Variants in ATE1 observed in about 807,000 individuals in gnomAD.
ATE1 encodes arginyltransferase 1.
Under a neutral mutation model 70.5 loss-of-function variants are expected in ATE1, and 36 were observed. The ratio of observed to expected loss-of-function variants is 0.51; its 90% CI spans 0.39 to 0.67. The LOEUF (loss-of-function observed/expected upper bound fraction) is 0.67. Ranked by LOEUF, ATE1 falls within the 30% of genes least tolerant of loss-of-function variation. ATE1 has a pLI of 0.00. For synonymous variants in ATE1, 232 were observed against 219.3 expected, an observed-to-expected ratio of 1.06 and a Z score of -0.51; for missense variants, 593 against 629.5, an observed-to-expected ratio of 0.94 and a Z score of 0.62.
chr10:121,878,976 A>G (rs1436370912), intron 7 of ATE1, among the ~76,000 whole-genome samples: 1 of 152,234 alleles, frequency 6.6e-6, no homozygotes, highest in Non-Finnish European at 1.5e-5. Flanking sequence ...ACCAACAAGA[A>G]GAGTCTCAGC....
rs80263250 is a variant in ATE1 at position 121,891,246 on chromosome 10, G to A, written c.942+8620C>T. Among the ~76,000 whole-genome samples, 1,049 of 152,136 alleles carry A rather than the reference G, an allele frequency of 6.9e-3. 23 individuals carry two copies. The highest frequency in any genetic ancestry group is 0.024 in the African/African-American group (992 of 41,472). ...GGGGCTCAGGGGATTGGGTTGATCG[G>A]GTATGCCATTTATATAGCCCTCGAA... On this transcript the variant is annotated intron_variant, in intron 7 of 11. Transcript: ENST00000224652.
intron 11 of ATE1, among the ~76,000 whole-genome samples, chr10:121,772,725 T>C (rs373658436): frequency 3.3e-5 from 5 of 152,300 alleles, no homozygotes; most frequent in African/African-American, 1.2e-4. Flanking sequence ...CCAAACCAGA[T>C]AGTAAATCAT....
chr10:121,843,883 T>TA (rs780408564), intron 8 of ATE1, among the ~76,000 whole-genome samples: 56 of 152,316 alleles, frequency 3.7e-4, no homozygotes, highest in Admixed American at 6.5e-4. Context: ...AATGAGTTTT[T>TA]AGATAAAACA....
chr10:121,839,882 T>A (rs1281670574), intron 9 of ATE1, among the ~76,000 whole-genome samples: 1 of 152,068 alleles, frequency 6.6e-6, no homozygotes, highest in African/African-American at 2.4e-5. Context: ...TTATAATTCA[T>A]AAAAAAGCAC....
intron 8 of ATE1, among the ~76,000 whole-genome samples, chr10:121,867,915 C>T (rs1253200163): frequency 1.3e-5 from 2 of 152,136 alleles, no homozygotes; most frequent in African/African-American, 2.4e-5. Flanking sequence ...AGATTGTTTA[C>T]AATTTTTTAC....
intron 10 of ATE1, among the ~76,000 whole-genome samples, chr10:121,823,947 G>A (rs151215383): frequency 1.3e-5 from 2 of 152,184 alleles, no homozygotes; most frequent in East Asian, 1.9e-4. Flanking sequence ...TGTGAGTTAA[G>A]GCAAACTCTG....
intron 3 of ATE1, among the ~76,000 whole-genome samples, chr10:121,918,004 A>C (rs945190324): frequency 1.3e-5 from 2 of 152,178 alleles, no homozygotes; most frequent in Non-Finnish European, 2.9e-5. Flanking sequence ...CAAGGTAAAA[A>C]TAACCAGAAG....
chr10:121,794,270 C>G (rs1590319021), intron 10 of ATE1, among the ~76,000 whole-genome samples: 1 of 152,102 alleles, frequency 6.6e-6, no homozygotes, highest in East Asian at 1.9e-4. Context: ...GTAGAATTTT[C>G]TGGCTCATTT....
chr10:121,781,988 G>C (rs10886983), intron 11 of ATE1, among the ~76,000 whole-genome samples: 143,796 of 152,302 alleles, frequency 0.94, 68,117 homozygotes, highest in Non-Finnish European at 0.98. Flanking sequence ...AAAATAAACA[G>C]AACTTCACAT....
At chr10:121,790,656 T>C (rs1946395848) in intron 10 of ATE1, among the ~76,000 whole-genome samples, 2 of 152,338 alleles carry the variant, frequency 1.3e-5, no homozygotes, top group Non-Finnish European at 2.9e-5. Flanking sequence ...TTTCTTTTCA[T>C]GTATTAGAGC....
At chr10:121,745,873 A>C (rs186157248) in intron 11 of ATE1, among the ~76,000 whole-genome samples, 1 of 152,342 alleles carries the variant, frequency 6.6e-6, no homozygotes, top group East Asian at 1.9e-4. Context: ...GTAAAGAGTT[A>C]AGGTATATCC....
At chr10:121,885,894 T>C (rs1950380217) in intron 7 of ATE1, among the ~76,000 whole-genome samples, 1 of 152,118 alleles carries the variant, frequency 6.6e-6, no homozygotes, top group Admixed American at 6.5e-5. Context: ...AGGGAAAGAC[T>C]GTCTCTAAAT....
At chr10:121,786,343 A>G (rs1946211073) in intron 11 of ATE1, among the ~76,000 whole-genome samples, 1 of 151,186 alleles carries the variant, frequency 6.6e-6, no homozygotes, top group Non-Finnish European at 1.5e-5. Flanking sequence ...CAATTACAAA[A>G]TATTACAAAA....
intron 5 of ATE1, among the ~76,000 whole-genome samples, chr10:121,907,383 T>G (rs1465037454): frequency 2.0e-5 from 3 of 151,778 alleles, no homozygotes; most frequent in African/African-American, 7.3e-5. Context: ...GAGAATCACT[T>G]AAACCCGGGA....
At chr10:121,847,659 G>A (rs569995536) in intron 8 of ATE1, among the ~76,000 whole-genome samples, 1 of 148,220 alleles carries the variant, frequency 6.7e-6, no homozygotes, top group East Asian at 2.0e-4. Flanking sequence ...TCAGGAGGCT[G>A]AGGGAGGACA....
chr10:121,757,750 C>G (rs151193083), intron 11 of ATE1, among the ~76,000 whole-genome samples: 187 of 152,272 alleles, frequency 1.2e-3, no homozygotes, highest in Middle Eastern at 3.4e-3. Context: ...CCACTGGGTC[C>G]CTCCCACAAC....
chr10:121,848,452 A>C (rs1160772748), intron 8 of ATE1, among the ~76,000 whole-genome samples: 1 of 151,572 alleles, frequency 6.6e-6, no homozygotes, highest in Non-Finnish European at 1.5e-5. Flanking sequence ...CCCCGTCTCT[A>C]CTAAAAATAC....
intron 10 of ATE1, among the ~76,000 whole-genome samples, chr10:121,809,561 C>CT (rs1435592046): frequency 9.2e-5 from 14 of 152,136 alleles, no homozygotes; most frequent in African/African-American, 3.4e-4. Flanking sequence ...TGCACCGCAG[C>CT]TACTGGTATG....
Position 121,902,499 on chromosome 10 carries a change from T to C in ATE1, c.705A>G (p.Gln235=). ...GTGGAAACAAAGATGGTGGGTGACC[T>C]TGAGCCTGGAAACCCTCAAGTTCTC... ...PAGELEGFQA[Q]GHPPSLFPPK... The change falls in exon 6 of 12, where the codon CAA becomes CAG. Residue 235 remains glutamine, a synonymous_variant. Transcript: ENST00000224652. 1.2e-6 allele frequency: 2 copies of C among 1,614,206 alleles called. No homozygotes were observed. Among genetic ancestry groups the C allele is most frequent in the African/African-American group, 1.3e-5 (1 of 75,060 alleles).
Sources: gnomAD v4.1 joint callset for allele counts (sites outside exome capture counted in the v4.1 genomes callset) on GRCh38, gnomAD v4.1.1 for gene constraint, MANE v1.5 for transcripts, NCBI Gene and HGNC (gene_info 2026-07-23, HGNC 2026-07-21) for gene names.